SLC5A6: variants seen among roughly 807,000 people sequenced by gnomAD.
SLC5A6 encodes the protein solute carrier family 5 member 6.
Under a neutral mutation model 67.9 loss-of-function variants are expected in SLC5A6, and 31 were observed. The ratio of observed to expected loss-of-function variants is 0.46; its 90% confidence interval spans 0.34 to 0.62. The LOEUF (loss-of-function observed/expected upper bound fraction) is 0.62. SLC5A6 is among the 20% of genes least tolerant of loss of function. SLC5A6 has a pLI of 0.01. For synonymous variants in SLC5A6, 343 were observed against 331.0 expected (o/e 1.04, Z -0.39); for missense variants, 673 against 812.8 (o/e 0.83, Z 2.09).
chr2:27,201,944 T>C, intron 13 of SLC5A6, 44 bp downstream of exon 13: 1 of 1,606,302 alleles, frequency 6.2e-7, no homozygotes, highest in South Asian at 1.1e-5. Context: ...AACCCCCAGG[T>C]CCATCCTGCT....
rs1674589221 is a variant in SLC5A6 at position 27,212,202 on chromosome 2, G to A, written c.-390C>T. 1 of 1,554,226 alleles carries A rather than the reference G, an allele frequency of 6.4e-7. No individual in the cohort carries two copies. Among genetic ancestry groups the A allele is most frequent in the African/African-American group, 1.4e-5 (1 of 73,490 alleles). ...AGTATCCCCGAAAGAGGGCTAGGGC[G>A]CATGAAGACCAGCGCAGAGCTCCAC... On this transcript the variant is annotated 5_prime_UTR_variant, in exon 1 of 17. Coordinates refer to ENST00000310574, the MANE Select transcript of SLC5A6 (RefSeq NM_021095.4).
intron 5 of SLC5A6, 42 bp downstream of exon 5, chr2:27,206,441 A>G: frequency 1.9e-6 from 3 of 1,597,778 alleles, no homozygotes; most frequent in Non-Finnish European, 2.6e-6. Context: ...GTGCTTTCCT[A>G]ACCTACCACG....
intron 7 of SLC5A6, 67 bp downstream of exon 7, chr2:27,205,283 C>T (rs1673972573): frequency 2.0e-6 from 3 of 1,520,032 alleles, no homozygotes; most frequent in Non-Finnish European, 2.7e-6. Flanking sequence ...ATAGCCAAGA[C>T]CAGCCTCTAG....
intron 2 of SLC5A6, among the ~76,000 whole-genome samples, chr2:27,209,452 C>T (rs1674304664): frequency 6.6e-6 from 1 of 152,128 alleles, no homozygotes; most frequent in Admixed American, 6.5e-5. Flanking sequence ...GATTAAGACA[C>T]GAATACTCTC....
rs1386783621 is a variant in SLC5A6 at position 27,200,986 on chromosome 2, A to G, written c.1764+12T>C. 1 of 1,553,172 alleles carries G rather than the reference A, an allele frequency of 6.4e-7. No homozygotes were observed. Among genetic ancestry groups the G allele is most frequent in the African/African-American group, 1.4e-5 (1 of 73,784 alleles). On this transcript the variant is annotated intron_variant, in intron 16 of 16. Coordinates refer to ENST00000310574, the MANE Select transcript of SLC5A6 (RefSeq NM_021095.4). The stretch of plus-strand genomic sequence containing the variant: ...AAGGGCAGGGAGGGGTCACTTGGAC[A>G]GCAGGTACTACCTGGCCGTAGCTCC...
rs747191299 is a variant in SLC5A6 at position 27,204,856 on chromosome 2, T to C, written c.810A>G (p.Leu270=). 1.2e-6 allele frequency: 2 copies of C among 1,613,914 alleles called. No individual in the cohort carries two copies. Among genetic ancestry groups the C allele is most frequent in the African/African-American group, 2.7e-5 (2 of 74,866 alleles). ...GCACCTGAGCCTGGTTCACCCCGTA[T>C]AAGGAGAGCATCATGAAGACACCCC... The part of the protein sequence containing the change: ...AFGGVFMMLS[L]YGVNQAQVQR... Residue 270 remains leucine (L), a synonymous_variant, in exon 8 of 17, where the codon TTA becomes TTG. Transcript: ENST00000310574.
chr2:27,209,878 A>G (rs1391307940), intron 2 of SLC5A6, among the ~76,000 whole-genome samples: 1 of 152,324 alleles, frequency 6.6e-6, no homozygotes, highest in African/African-American at 2.4e-5. Context: ...CATGTTCTAC[A>G]AGATTCCCAA....
At chr2:27,211,307 A>G (rs1674479612) in intron 2 of SLC5A6, among the ~76,000 whole-genome samples, 160 bp downstream of exon 2, 1 of 152,198 alleles carries the variant, frequency 6.6e-6, no homozygotes, top group South Asian at 2.1e-4. Context: ...GGTAATGTGG[A>G]AGGGAAGCCT....
At chr2:27,205,281 G>A in intron 7 of SLC5A6, 69 bp downstream of exon 7, 2 of 1,511,884 alleles carry the variant, frequency 1.3e-6, no homozygotes, top group Non-Finnish European at 9.0e-7. Context: ...CTATAGCCAA[G>A]ACCAGCCTCT....
In SLC5A6 at chr2:27,206,106, A is replaced by G. The variant is rs939584566; in HGVS notation, c.512-13T>C. 3.1e-6 allele frequency: 5 copies of G among 1,613,964 alleles called. No homozygotes were observed. The East Asian group carries it at 1.1e-4, about 36-fold the overall frequency. Reference sequence around the variant, plus strand: ...TCAAAGCCAGTCACTGTAAGCATAGAAGCCACATTCTTATCCCTGGAAAAG... The same window carrying G: ...TCAAAGCCAGTCACTGTAAGCATAGGAGCCACATTCTTATCCCTGGAAAAG... On this transcript the variant is annotated splice_polypyrimidine_tract_variant and intron_variant, in intron 5 of 16. Coordinates refer to ENST00000310574, the MANE Select transcript of SLC5A6 (RefSeq NM_021095.4).
In SLC5A6 at chr2:27,202,855, T is replaced by G; in HGVS notation, c.1233A>C (p.Leu411=). 6.2e-7 allele frequency: 1 copy of G among 1,613,970 alleles called. No homozygotes were observed. Among genetic ancestry groups the G allele is most frequent in the Middle Eastern group, 1.7e-4 (1 of 6,060 alleles). Residue 411 remains leucine (L), a synonymous_variant, in exon 12 of 17, where the codon CTA becomes CTC. Transcript: ENST00000310574. ...TCTGGGAGGAAATATAGGCCATTCC[T>G]AGACAAAGCAGCCCATAGCCAAAGG... ...GLAFGYGLLC[L]GMAYISSQMG... is the part of the protein sequence containing the mutation.
rs183371488 is a variant in SLC5A6 at position 27,204,090 on chromosome 2, C to T, written c.1006-223G>A. On this transcript the variant is annotated intron_variant, in intron 9 of 16. Transcript: ENST00000310574. ...GGAATGACACAATTCGCCCGCAGCT[C>T]TGTTTCTGGCTACTAGTGTGACTTC... 2.7e-4 allele frequency among the ~76,000 whole-genome samples: 41 copies of T among 152,294 alleles called. 1 individual carries two copies. The East Asian group carries it at 7.4e-3, about 27-fold the overall frequency.
In SLC5A6 at chr2:27,207,137, A is replaced by C; in HGVS notation, c.393+121T>G. 1.8e-6 allele frequency: 2 copies of C among 1,141,730 alleles called. No homozygotes were observed. The highest frequency in any genetic ancestry group is 3.9e-5 in the Admixed American group (2 of 51,026). 70.7% of individuals were successfully genotyped at this position (1,141,730 alleles called of 1,614,324 possible). A position where few individuals can be genotyped will look rare whatever the true frequency, so the allele number is the denominator to read the frequency against. ...GAGAAAGAATTATAAACACACAATG[A>C]GTTTTCTGTCCCTCTCATTAGGTGG... is the stretch of plus-strand genomic sequence containing the variant. On this transcript the variant is annotated intron_variant, in intron 3 of 16. Transcript: ENST00000310574. This position sits in a 1 kb window ranked among gnomAD's most constrained non-coding sequence, Gnocchi z 5.5.
intron 7 of SLC5A6, 118 bp from the exon 8 acceptor site, chr2:27,205,049 G>A (rs920410765): frequency 8.2e-6 from 10 of 1,213,842 alleles, no homozygotes; most frequent in African/African-American, 6.0e-5. Context: ...GGCCAAGGGG[G>A]ACACTGAAAG....
intron 5 of SLC5A6, 114 bp from the exon 6 acceptor site, chr2:27,206,207 A>T: frequency 2.2e-6 from 2 of 915,174 alleles, no homozygotes; most frequent in Non-Finnish European, 3.5e-6. Flanking sequence ...TTAACAATGA[A>T]ATAAATCATT....
In SLC5A6 at chr2:27,201,643, G is replaced by T. The variant is rs761597123; in HGVS notation, c.1544+23C>A. ...TCAAAGGAGGGCTTTGAGAAAACAA[G>T]AAGATAGCAAGCCCTGCCTTACTTG... On this transcript the variant is annotated intron_variant, in intron 14 of 16. Transcript: ENST00000310574. 2.2e-5 allele frequency: 36 copies of T among 1,609,094 alleles called. No homozygotes were observed. The East Asian group carries it at 7.4e-4, about 33-fold the overall frequency.
In SLC5A6 at chr2:27,207,537, G is replaced by C. The variant is rs764115951; in HGVS notation, c.114C>G (p.Leu38=). 1 of 1,614,138 alleles carries C rather than the reference G, an allele frequency of 6.2e-7. No homozygotes were observed. The highest frequency in any genetic ancestry group is 1.1e-5 in the South Asian group (1 of 91,096). ...DYVVFVLLLV[L]SLAIGLYHAC... ...CATGGTAGAGCCCAATGGCAAGAGA[G>C]AGAACCAGCAGCAGGACGAACACCA... Residue 38 remains leucine, a synonymous_variant, in exon 3 of 17, where the codon CTC becomes CTG. Transcript: ENST00000310574. The surrounding 1 kb of genome is among the most constrained non-coding windows in gnomAD (Gnocchi z 5.5).
chr2:27,202,974 T>A, intron 11 of SLC5A6, 94 bp from the exon 12 acceptor site: 2 of 1,568,138 alleles, frequency 1.3e-6, no homozygotes, highest in East Asian at 2.2e-5. Flanking sequence ...AACTACCACC[T>A]CTGTCTCTCT....
At position 27,201,472 on chromosome 2, in the gene SLC5A6, A is replaced by G. The variant is rs752758073; in HGVS notation, c.1545-19T>C. 1.3e-6 allele frequency: 2 copies of G among 1,542,556 alleles called. No homozygotes were observed. The highest frequency in any genetic ancestry group is 1.8e-6 in the Non-Finnish European group (2 of 1,114,952). The stretch of plus-strand genomic sequence containing the variant: ...TGTGGGCCTGGGAAGAGCAGAGGTG[A>G]GAACAATTAGCAATTCGTTGGCAGG... On this transcript the variant is annotated intron_variant, in intron 14 of 16. Coordinates refer to ENST00000310574, the MANE Select transcript of SLC5A6 (RefSeq NM_021095.4).
Sources: allele counts gnomAD v4.1 joint callset (sites outside exome capture counted in the v4.1 genomes callset), GRCh38; gene constraint gnomAD v4.1.1; non-coding constraint Gnocchi (gnomAD v3.1); transcripts MANE v1.5; gene names NCBI Gene and HGNC (gene_info 2026-07-23, HGNC 2026-07-21).